Variants in GNG7 observed in about 807,000 individuals in gnomAD.
GNG7 encodes G protein subunit gamma 7, also known as guanine nucleotide-binding protein G(I)/G(S)/G(O) subunit gamma-7.
Under a neutral mutation model 4.0 loss-of-function variants are expected in GNG7, and 1 was observed. The ratio of observed to expected loss-of-function variants is 0.25; its 90% CI spans 0.09 to 1.18. The LOEUF (loss-of-function observed/expected upper bound fraction) is 1.18. Among genes scored for constraint, GNG7 ranks in the 50% most tolerant of loss-of-function variants. The pLI is 0.50. For synonymous variants in GNG7, 34 were observed against 36.9 expected, an observed-to-expected ratio of 0.92 and a Z score of 0.29; for missense variants, 86 against 91.9, an observed-to-expected ratio of 0.94 and a Z score of 0.26.
At chr19:2,515,266 G>T in intron 4 of GNG7, 119 bp from the exon 5 acceptor site, 1 of 1,270,782 alleles carries the variant, frequency 7.9e-7, no homozygotes. Flanking sequence ...CCCATTGATG[G>T]GGGCGTGGGC....
intron 3 of GNG7, among the ~76,000 whole-genome samples, chr19:2,524,052 C>T (rs1166488730): frequency 6.6e-6 from 1 of 152,198 alleles, no homozygotes; most frequent in Non-Finnish European, 1.5e-5. Context: ...CTAAATTACT[C>T]AGTGCTAAAA....
chr19:2,517,128 G>A (rs1972747149), intron 4 of GNG7: 1 of 152,278 alleles, frequency 6.6e-6, no homozygotes, highest in African/African-American at 2.4e-5. Context: ...AGATGTGGCA[G>A]AGGTGAGGGG....
intron 2 of GNG7, among the ~76,000 whole-genome samples, chr19:2,625,897 C>T (rs1358962041): frequency 6.6e-5 from 10 of 152,152 alleles, no homozygotes; most frequent in Non-Finnish European, 2.9e-5. Context: ...AAGCGATTCT[C>T]CTGCCTCAGC....
intron 2 of GNG7, chr19:2,643,581 C>A (rs529461533): frequency 2.3e-6 from 1 of 441,944 alleles, no homozygotes; most frequent in Non-Finnish European, 4.5e-6. Flanking sequence ...GGACTCTGCA[C>A]ACCTTCCGGC....
At chr19:2,516,341 C>T (rs1972734674) in intron 4 of GNG7, among the ~76,000 whole-genome samples, 8 of 152,066 alleles carry the variant, frequency 5.3e-5, no homozygotes, top group Admixed American at 5.2e-4. Context: ...TCTCCTGCCT[C>T]AGCCTCCTGA....
At chr19:2,540,831 G>A (rs1194839403) in intron 3 of GNG7, among the ~76,000 whole-genome samples, 2 of 152,228 alleles carry the variant, frequency 1.3e-5, no homozygotes, top group Non-Finnish European at 1.5e-5. Context: ...ACAGGAAGCC[G>A]TGACAGCGAG....
At chr19:2,549,623 C>T (rs1043410284) in intron 3 of GNG7, among the ~76,000 whole-genome samples, 43 of 152,062 alleles carry the variant, frequency 2.8e-4, no homozygotes, top group Middle Eastern at 3.4e-3. Flanking sequence ...TGCACGGGGC[C>T]GGGGCATTGT....
intron 1 of GNG7, among the ~76,000 whole-genome samples, chr19:2,700,320 T>C (rs1300551769): frequency 6.6e-6 from 1 of 152,120 alleles, no homozygotes; most frequent in Non-Finnish European, 1.5e-5. Flanking sequence ...TTTTGATATT[T>C]TTAGTAGAGA....
At chr19:2,664,818 C>T (rs995714442) in intron 1 of GNG7, among the ~76,000 whole-genome samples, 14 of 152,136 alleles carry the variant, frequency 9.2e-5, no homozygotes, top group African/African-American at 2.2e-4. Flanking sequence ...GCAGCTGTCC[C>T]GGACACTGCA....
intron 2 of GNG7, among the ~76,000 whole-genome samples, chr19:2,571,483 A>G (rs1599398153): frequency 6.6e-6 from 1 of 150,704 alleles, no homozygotes; most frequent in East Asian, 1.9e-4. Context: ...GCCACGTTGC[A>G]TTTCTAGGAT....
At chr19:2,595,993 C>A (rs1318756433) in intron 2 of GNG7, among the ~76,000 whole-genome samples, 3 of 152,084 alleles carry the variant, frequency 2.0e-5, no homozygotes, top group Non-Finnish European at 4.4e-5. Context: ...CTCTACGCTG[C>A]ATGCTTGTTA....
At chr19:2,625,819 G>A (rs1446755115) in intron 2 of GNG7, among the ~76,000 whole-genome samples, 1 of 151,886 alleles carries the variant, frequency 6.6e-6, no homozygotes. Context: ...TTTTTGAGGC[G>A]GAGTCTCACT....
In GNG7 at chr19:2,631,706, G is replaced by A. The variant is rs576587259; in HGVS notation, c.-78+14518C>T. Among the ~76,000 whole-genome samples, 9 of 152,258 alleles carry A rather than the reference G, an allele frequency of 5.9e-5. No homozygotes were observed. In the South Asian group the frequency reaches 6.2e-4, roughly 11 times the overall value. On this transcript the variant is annotated intron_variant, in intron 2 of 4. Transcript: ENST00000382159. Reference sequence around the variant, plus strand: ...AATAAAACTTCATTTATAAAAACAGGAAGTGGAGGGCCAGACTGGGCCTGG... The same window carrying A: ...AATAAAACTTCATTTATAAAAACAGAAAGTGGAGGGCCAGACTGGGCCTGG...
intron 1 of GNG7, among the ~76,000 whole-genome samples, chr19:2,649,923 C>T (rs1001703050): frequency 6.6e-6 from 1 of 151,342 alleles, no homozygotes; most frequent in Non-Finnish European, 1.5e-5. Flanking sequence ...ATGGGTCTGT[C>T]CTGGACATTT....
chr19:2,674,449 T>G (rs1357851651), intron 1 of GNG7, among the ~76,000 whole-genome samples: 2 of 152,150 alleles, frequency 1.3e-5, no homozygotes, highest in Non-Finnish European at 2.9e-5. Context: ...GTTTTGTTTT[T>G]TTTTGAGACA....
At chr19:2,670,332 G>A (rs1439983602) in intron 1 of GNG7, among the ~76,000 whole-genome samples, 3 of 152,190 alleles carry the variant, frequency 2.0e-5, no homozygotes, top group African/African-American at 7.2e-5. Context: ...GAGACTGGCA[G>A]CAGGCCTGCC....
At position 2,513,302 on chromosome 19, in the gene GNG7, G is replaced by A. The variant is rs1275427414; in HGVS notation, c.*1720C>T. ...TTCTTAGACGCCTGTCTCCACTGGGGCCGGAGGGACAGGACTAGGCTAGTT... is the reference window on the plus strand; with the variant it reads ...TTCTTAGACGCCTGTCTCCACTGGGACCGGAGGGACAGGACTAGGCTAGTT... On this transcript the variant is annotated 3_prime_UTR_variant, in exon 5 of 5. Transcript: ENST00000382159. 9.1e-6 allele frequency: 3 copies of A among 330,122 alleles called. No individual in the cohort carries two copies. The highest frequency in any genetic ancestry group is 8.7e-6 in the Non-Finnish European group (2 of 230,924). 20.4% of individuals were successfully genotyped at this position (330,122 alleles called of 1,614,324 possible). A position where few individuals can be genotyped will look rare whatever the true frequency, so the allele number is the denominator to read the frequency against.
At chr19:2,540,988 GGCTTC>G (rs1978942787) in intron 3 of GNG7, among the ~76,000 whole-genome samples, 2 of 152,266 alleles carry the variant, frequency 1.3e-5, no homozygotes, top group Non-Finnish European at 1.5e-5. Context: ...AGCCGGTGGA[GGCTTC>G]TGAGAGCTGG....
intron 1 of GNG7, among the ~76,000 whole-genome samples, chr19:2,671,912 G>C (rs902295468): frequency 6.6e-6 from 1 of 151,686 alleles, no homozygotes. Context: ...TTAGCCGGGC[G>C]TGGCAGTGGG....
Sources: allele counts gnomAD v4.1 joint callset (sites outside exome capture counted in the v4.1 genomes callset), GRCh38; gene constraint gnomAD v4.1.1; transcripts MANE v1.5; gene names NCBI Gene and HGNC (gene_info 2026-07-23, HGNC 2026-07-21).